Variants in EXO5 observed in about 807,000 individuals in gnomAD.
EXO5 encodes the protein exonuclease 5.
In EXO5, 11 loss-of-function variants were observed where a neutral mutation model predicts 17.8. The ratio of observed to expected loss-of-function variants is 0.62; its 90% CI spans 0.39 to 1.02. The LOEUF is 1.02. Ranked by LOEUF, EXO5 falls within the 50% of genes least tolerant of loss-of-function variation. The pLI is 0.00. For synonymous variants in EXO5, 147 were observed against 166.5 expected, an observed-to-expected ratio of 0.88 and a Z score of 0.90; for missense variants, 364 against 434.8, an observed-to-expected ratio of 0.84 and a Z score of 1.45.
chr1:40,510,205 T>TC (rs1645747957), intron 3 of EXO5, among the ~76,000 whole-genome samples: 3 of 150,496 alleles, frequency 2.0e-5, no homozygotes, highest in Non-Finnish European at 3.0e-5. Context: ...TTTTTTTTTT[T>TC]ATAAAAATCA....
At chr1:40,509,116 C>T (rs1306426008) in intron 1 of EXO5, 1 of 152,338 alleles carries the variant, frequency 6.6e-6, no homozygotes, top group Non-Finnish European at 1.5e-5. Context: ...AGGTGGACGG[C>T]TCCCTGTTCT....
At chr1:40,513,927 A>G (rs1400713959) in intron 3 of EXO5, among the ~76,000 whole-genome samples, 1 of 152,106 alleles carries the variant, frequency 6.6e-6, no homozygotes, top group East Asian at 1.9e-4. Flanking sequence ...GAGGCCAAGA[A>G]AGGTGATTTG....
intron 1 of EXO5, 110 bp downstream of exon 1, chr1:40,509,018 G>A (rs746057259): frequency 5.4e-4 from 83 of 152,392 alleles, no homozygotes; most frequent in Non-Finnish European, 5.9e-4. Context: ...CCCGGGAAGC[G>A]GCTCGTCTCG....
At chr1:40,513,906 C>A (rs994761142) in intron 3 of EXO5, among the ~76,000 whole-genome samples, 1 of 151,878 alleles carries the variant, frequency 6.6e-6, no homozygotes, top group African/African-American at 2.4e-5. Context: ...CTTTTTAAAT[C>A]TGAAGAAACT....
chr1:40,515,395 T>C lies in EXO5; in HGVS notation c.851T>C (p.Leu284Pro). Residue 284 changes from leucine to proline, a missense_variant, in exon 4 of 4, where the codon CTC becomes CCC. Leu to Pro is a moderately conservative substitution (Grantham distance 98, BLOSUM62 -3). Transcript: ENST00000415550. Reference protein sequence around the residue: ...LVFLSLTLSDLPVIDILKIEY... With the variant: ...LVFLSLTLSDPPVIDILKIEY... ...TTCTTGTCTCTAACACTGTCAGACC[T>C]CCCAGTTATTGATATCTTGAAGATT... 6.2e-7 allele frequency: 1 copy of C among 1,613,932 alleles called. No individual in the cohort carries two copies. The highest frequency in any genetic ancestry group is 1.1e-5 in the South Asian group (1 of 91,050).
Position 40,515,398 on chromosome 1 carries a change from C to G in EXO5, c.854C>G (p.Pro285Arg). 6.2e-7 allele frequency: 1 copy of G among 1,613,952 alleles called. No individual in the cohort carries two copies. The highest frequency in any genetic ancestry group is 1.3e-5 in the African/African-American group (1 of 74,952). The change falls in exon 4 of 4, where the codon CCA becomes CGA. Residue 285 changes from proline (P) to arginine (R), a missense_variant. By Grantham distance (103) the Pro-to-Arg change is moderately radical. Coordinates refer to ENST00000415550, the MANE Select transcript of EXO5 (RefSeq NM_001346953.2). The stretch of plus-strand genomic sequence containing the variant: ...TTGTCTCTAACACTGTCAGACCTCC[C>G]AGTTATTGATATCTTGAAGATTGAG... Reference protein sequence around the residue: ...VFLSLTLSDLPVIDILKIEYI... With the variant: ...VFLSLTLSDLRVIDILKIEYI...
intron 3 of EXO5, among the ~76,000 whole-genome samples, chr1:40,513,781 G>T (rs1279133526): frequency 2.6e-5 from 4 of 151,512 alleles, no homozygotes; most frequent in Non-Finnish European, 4.4e-5. Context: ...TAGAGATGGG[G>T]TTTCACCATG....
intron 3 of EXO5, among the ~76,000 whole-genome samples, chr1:40,510,194 C>CT (rs11292573): frequency 0.37 from 55,031 of 150,324 alleles, 12,462 homozygotes; most frequent in Non-Finnish European, 0.51. Flanking sequence ...TTTTTACTTA[C>CT]TTTTTTTTTT....
At position 40,515,874 on chromosome 1, in the gene EXO5, C is replaced by T. The variant is rs554574474; in HGVS notation, c.*208C>T. On this transcript the variant is annotated 3_prime_UTR_variant, in exon 4 of 4. Transcript: ENST00000415550. Reference sequence around the variant, plus strand: ...GGTTATACTGTCCCTGGAGCTTCATCATGATTGCCTGAGAAGACAGATGCT... The same window carrying T: ...GGTTATACTGTCCCTGGAGCTTCATTATGATTGCCTGAGAAGACAGATGCT... 1 of 485,750 alleles carries T rather than the reference C, an allele frequency of 2.1e-6. No individual in the cohort carries two copies. The highest frequency in any genetic ancestry group is 2.0e-5 in the African/African-American group (1 of 50,696). 30.1% of individuals were successfully genotyped at this position (485,750 alleles called of 1,614,324 possible).
At chr1:40,510,382 G>C (rs931758662) in intron 3 of EXO5, among the ~76,000 whole-genome samples, 1 of 152,180 alleles carries the variant, frequency 6.6e-6, no homozygotes, top group African/African-American at 2.4e-5. Flanking sequence ...ACTGCATTAT[G>C]CTCTCTTCTG....
intron 3 of EXO5, among the ~76,000 whole-genome samples, chr1:40,513,739 C>T (rs772035577): frequency 5.3e-5 from 8 of 151,776 alleles, no homozygotes; most frequent in Non-Finnish European, 7.4e-5. Context: ...CAGGTGTGTG[C>T]CACCATACCT....
At position 40,515,480 on chromosome 1, in the gene EXO5, G is replaced by A; in HGVS notation, c.936G>A (p.Glu312=). ...GTACTGAGATTGTAGCCTTCAAAGA[G>A]AAGGAGGTGAGAGCCAAGGTGCAGC... The part of the protein sequence containing the change: ...VLGTEIVAFK[E]KEVRAKVQHY... Residue 312 remains glutamate, a synonymous_variant, in exon 4 of 4, where the codon GAG becomes GAA. Coordinates refer to ENST00000415550, the MANE Select transcript of EXO5 (RefSeq NM_001346953.2). The A allele has an allele frequency of 6.2e-7, 1 of 1,614,046 alleles. No homozygotes were observed. The highest frequency in any genetic ancestry group is 8.5e-7 in the Non-Finnish European group (1 of 1,180,008).
chr1:40,513,420 T>C (rs1006854088), intron 3 of EXO5, among the ~76,000 whole-genome samples: 1 of 152,212 alleles, frequency 6.6e-6, no homozygotes. Flanking sequence ...AGATTCATTT[T>C]GCTCGTCAAG....
Position 40,514,815 on chromosome 1 carries a change from T to G in EXO5, c.271T>G (p.Trp91Gly), listed in dbSNP as rs779328840. ...TGTCACTGACCTGGCTACTCAGAAC[T>G]GGTGTGAACTGCAAACAGCATATGG... ...LYVTDLATQN[W>G]CELQTAYGKE... The change falls in exon 4 of 4, where the codon TGG (tryptophan) becomes GGG (glycine). Residue 91 changes from tryptophan to glycine, a missense_variant. By Grantham distance (184) the Trp-to-Gly change is radical (BLOSUM62 -2). Coordinates refer to ENST00000415550, the MANE Select transcript of EXO5 (RefSeq NM_001346953.2). The G allele has an allele frequency of 2.5e-6, 4 of 1,614,222 alleles. No homozygotes were observed. In the South Asian group the frequency reaches 4.4e-5, roughly 18 times the overall value.
At chr1:40,512,569 GT>G (rs1429140987) in intron 3 of EXO5, among the ~76,000 whole-genome samples, 1 of 152,092 alleles carries the variant, frequency 6.6e-6, no homozygotes, top group Admixed American at 6.6e-5. Context: ...GGTGTTTGTT[GT>G]TTTATTCTTT....
rs751402658 is a variant in EXO5 at position 40,514,956 on chromosome 1, A to C, written c.412A>C (p.Thr138Pro). The C allele has an allele frequency of 4.5e-5, 72 of 1,614,142 alleles. No homozygotes were observed. In the South Asian group the frequency reaches 7.0e-4, roughly 16 times the overall value. ...LHDLVTVPVTTKEDAWAIKFL... is the reference protein window; with the variant it reads ...LHDLVTVPVTPKEDAWAIKFL... ...TGATCTTGTGACTGTCCCAGTCACC[A>C]CTAAAGAAGATGCTTGGGCAATTAA... is the stretch of plus-strand genomic sequence containing the variant. Residue 138 changes from threonine to proline, a missense_variant, in exon 4 of 4, where the codon ACT (threonine) becomes CCT (proline). Coordinates refer to ENST00000415550, the MANE Select transcript of EXO5 (RefSeq NM_001346953.2).
At chr1:40,510,456 C>T (rs543783060) in intron 3 of EXO5, among the ~76,000 whole-genome samples, 28 of 152,332 alleles carry the variant, frequency 1.8e-4, no homozygotes, top group South Asian at 1.2e-3. Context: ...CCCTAGTGTA[C>T]TGTTTTATTC....
intron 3 of EXO5, among the ~76,000 whole-genome samples, chr1:40,512,841 C>G (rs921008613): frequency 6.6e-6 from 1 of 152,106 alleles, no homozygotes; most frequent in African/African-American, 2.4e-5. Context: ...GTCTCAAACT[C>G]CCGACCCCAG....
rs2124476189 is a variant in EXO5, at chr1:40,508,848, G to T, written c.-324G>T. 6.6e-6 allele frequency: 1 copy of T among 152,496 alleles called. No homozygotes were observed. Among genetic ancestry groups the T allele is most frequent in the East Asian group, 1.9e-4 (1 of 5,186 alleles). 9.4% of individuals were successfully genotyped at this position (152,496 alleles called of 1,614,324 possible). A position where few individuals can be genotyped will look rare whatever the true frequency, so the allele number is the denominator to read the frequency against. ...TCAGTCTCCTCGCCGGGAGCGTCCG[G>T]GAGCAGCTCCGAGGCCGCGGCGAAA... On this transcript the variant is annotated 5_prime_UTR_variant, in exon 1 of 4. Transcript: ENST00000415550. The surrounding 1 kb of genome is among the most constrained non-coding windows in gnomAD (Gnocchi z 4.2).
Sources: gnomAD v4.1 joint callset for allele counts (sites outside exome capture counted in the v4.1 genomes callset) on GRCh38, gnomAD v4.1.1 for gene constraint, Gnocchi (gnomAD v3.1) non-coding constraint, MANE v1.5 for transcripts, NCBI Gene and HGNC (gene_info 2026-07-23, HGNC 2026-07-21) for gene names.